PPM1A: variants seen among roughly 807,000 people sequenced by gnomAD.
PPM1A encodes protein phosphatase 1A.
Under a neutral mutation model 35.0 loss-of-function variants are expected in PPM1A, and 7 were observed. The ratio of observed to expected loss-of-function variants is 0.20; its 90% CI spans 0.11 to 0.38. The LOEUF is 0.38. Among genes scored for constraint, PPM1A ranks in the 10% least tolerant of loss-of-function variants. The pLI is 1.00. For synonymous variants in PPM1A, 153 were observed against 167.3 expected, an observed-to-expected ratio of 0.91 and a Z score of 0.66; for missense variants, 239 against 467.8, an observed-to-expected ratio of 0.51 and a Z score of 4.51.
upstream of PPM1A, chr14:60,249,143 G>C: frequency 1.2e-6 from 1 of 827,282 alleles, no homozygotes; most frequent in Non-Finnish European, 1.5e-6. This position sits in a 1 kb window ranked among gnomAD's most constrained non-coding sequence, Gnocchi z 4.5. Context: ...TAGCGGCGGC[G>C]GAGCCAGCGG....
chr14:60,295,219 C>G lies in PPM1A; in HGVS notation c.*2737C>G, dbSNP rs1455070168. On this transcript the variant is annotated 3_prime_UTR_variant, in exon 6 of 6. Coordinates refer to ENST00000395076, the MANE Select transcript of PPM1A (RefSeq NM_021003.5). Reference sequence around the variant, plus strand: ...GAAATAACATTTTGTATAGCAGGCTCTGTTTTACCCTAACATTAAAAAATT... The same window carrying G: ...GAAATAACATTTTGTATAGCAGGCTGTGTTTTACCCTAACATTAAAAAATT... 1 of 151,734 alleles carries G rather than the reference C, an allele frequency of 6.6e-6. No individual in the cohort carries two copies. The highest frequency in any genetic ancestry group is 6.6e-5 in the Admixed American group (1 of 15,192). 9.4% of individuals were successfully genotyped at this position (151,734 alleles called of 1,614,324 possible).
intron 3 of PPM1A, 113 bp downstream of exon 3, chr14:60,285,854 G>A: frequency 6.8e-7 from 1 of 1,465,438 alleles, no homozygotes; most frequent in African/African-American, 1.4e-5. Context: ...CTAGTGTCTA[G>A]TGTATGAAAG....
intron 1 of PPM1A, among the ~76,000 whole-genome samples, chr14:60,252,370 C>A (rs529874276): frequency 1.3e-5 from 2 of 152,316 alleles, no homozygotes; most frequent in African/African-American, 4.8e-5. Flanking sequence ...TGCCTGGGCA[C>A]CTGACTCTGA....
At chr14:60,256,597 C>T (rs906326481) in intron 1 of PPM1A, among the ~76,000 whole-genome samples, 5 of 152,190 alleles carry the variant, frequency 3.3e-5, no homozygotes, top group African/African-American at 9.7e-5. Flanking sequence ...CTAGCCTTGA[C>T]GTTAGCAACT....
chr14:60,288,591 G>GTT (rs529266794), intron 3 of PPM1A: 375 of 792,972 alleles, frequency 4.7e-4, no homozygotes, highest in Middle Eastern at 1.3e-3. Flanking sequence ...ATTTAAGACT[G>GTT]TTTTTTTTTT....
chr14:60,289,885 C>T lies in PPM1A; in HGVS notation c.1032C>T (p.Ser344=). 1.9e-6 allele frequency: 3 copies of T among 1,589,478 alleles called. No homozygotes were observed. Among genetic ancestry groups the T allele is most frequent in the Non-Finnish European group, 2.6e-6 (3 of 1,172,764 alleles). Reference sequence around the variant, plus strand: ...CATTAGCGAGTGAGAACATCCCCAGCCTCCCACCAGGGGGTGAATTGGCAA... The same window carrying T: ...CATTAGCGAGTGAGAACATCCCCAGTCTCCCACCAGGGGGTGAATTGGCAA... The part of the protein sequence containing the change: ...MRTLASENIP[S]LPPGGELASK... Residue 344 remains serine, a synonymous_variant, in exon 4 of 6, where the codon AGC becomes AGT. Transcript: ENST00000395076. This position sits in a 1 kb window ranked among gnomAD's most constrained non-coding sequence, Gnocchi z 4.1.
chr14:60,256,053 T>C (rs886233671), intron 1 of PPM1A, among the ~76,000 whole-genome samples: 4 of 152,244 alleles, frequency 2.6e-5, no homozygotes. Context: ...TCTAATAATA[T>C]GCATACTCTG....
In PPM1A at chr14:60,297,815, G is replaced by A. The variant is rs1186619519; in HGVS notation, c.*5333G>A. ...CGTTTTGAGACTGATGAATCCTAGG[G>A]ACTTATTTACCCAGGAAAATGCGTA... On this transcript the variant is annotated 3_prime_UTR_variant, in exon 6 of 6. Coordinates refer to ENST00000395076, the MANE Select transcript of PPM1A (RefSeq NM_021003.5). 1 of 151,492 alleles carries A rather than the reference G, an allele frequency of 6.6e-6. No individual in the cohort carries two copies. The highest frequency in any genetic ancestry group is 2.4e-5 in the African/African-American group (1 of 41,350). The allele number at this position is 151,492 out of a possible 1,614,324, so 9.4% of individuals were successfully genotyped here.
rs192120472 is a variant in PPM1A at position 60,289,103 on chromosome 14, G to C, written c.953-703G>C. ...AAAATTATTTTAAATGCAGTTGTAT[G>C]GTTTATCAAATGGTTCTCTTTTTAA... On this transcript the variant is annotated intron_variant, in intron 3 of 5. Coordinates refer to ENST00000395076, the MANE Select transcript of PPM1A (RefSeq NM_021003.5). The surrounding 1 kb of genome is among the most constrained non-coding windows in gnomAD (Gnocchi z 4.1). Among the ~76,000 whole-genome samples the C allele has an allele frequency of 6.6e-6, 1 of 151,992 alleles. No individual in the cohort carries two copies. The highest frequency in any genetic ancestry group is 1.9e-4 in the East Asian group (1 of 5,168).
At chr14:60,290,715 A>G (rs539615649) in intron 4 of PPM1A, among the ~76,000 whole-genome samples, 9 of 152,140 alleles carry the variant, frequency 5.9e-5, no homozygotes, top group Middle Eastern at 3.4e-3. Flanking sequence ...AAGTGTGACC[A>G]TGTTCTTTGT....
At chr14:60,254,083 G>A (rs1303120661) in intron 1 of PPM1A, among the ~76,000 whole-genome samples, 1 of 152,134 alleles carries the variant, frequency 6.6e-6, no homozygotes, top group East Asian at 1.9e-4. Context: ...CAAATAAATG[G>A]TAGCTGTTAT....
At chr14:60,271,139 C>A (rs968535546) in intron 1 of PPM1A, among the ~76,000 whole-genome samples, 19 of 152,130 alleles carry the variant, frequency 1.2e-4, no homozygotes, top group African/African-American at 4.3e-4. Context: ...TCATCACTTG[C>A]CTGGTAGCCA....
At chr14:60,253,185 C>G (rs1219380612) in intron 1 of PPM1A, among the ~76,000 whole-genome samples, 1 of 151,868 alleles carries the variant, frequency 6.6e-6, no homozygotes, top group African/African-American at 2.4e-5. Flanking sequence ...ATCCATTGAC[C>G]AAGTGTATGT....
intron 1 of PPM1A, among the ~76,000 whole-genome samples, chr14:60,252,277 T>A (rs1882519183): frequency 1.3e-5 from 2 of 152,248 alleles, no homozygotes; most frequent in African/African-American, 4.8e-5. Flanking sequence ...GGATTAATTT[T>A]TTAAGATGTA....
In PPM1A at chr14:60,294,243, A is replaced by G. The variant is rs1461940231; in HGVS notation, c.*1761A>G. 2 of 151,834 alleles carry G rather than the reference A, an allele frequency of 1.3e-5. No homozygotes were observed. The highest frequency in any genetic ancestry group is 2.9e-5 in the Non-Finnish European group (2 of 67,826). 9.4% of individuals were successfully genotyped at this position (151,834 alleles called of 1,614,324 possible). ...AGTTAAATACCAGCAAAATCTTTTCATTATCCCTCTTATTTTGTGAGGTGA... is the reference window on the plus strand; with the variant it reads ...AGTTAAATACCAGCAAAATCTTTTCGTTATCCCTCTTATTTTGTGAGGTGA... On this transcript the variant is annotated 3_prime_UTR_variant, in exon 6 of 6. Transcript: ENST00000395076.
chr14:60,298,406 G>A lies in PPM1A; in HGVS notation c.*5924G>A, dbSNP rs1486016611. On this transcript the variant is annotated 3_prime_UTR_variant, in exon 6 of 6. Transcript: ENST00000395076. Reference sequence around the variant, plus strand: ...AGGATGTTAAAATAACATCCAAGTCGGACAACCACCACCAATGCACACAGT... The same window carrying A: ...AGGATGTTAAAATAACATCCAAGTCAGACAACCACCACCAATGCACACAGT... 1 of 151,452 alleles carries A rather than the reference G, an allele frequency of 6.6e-6. No homozygotes were observed. Among genetic ancestry groups the A allele is most frequent in the Non-Finnish European group, 1.5e-5 (1 of 67,626 alleles). 9.4% of individuals were successfully genotyped at this position (151,452 alleles called of 1,614,324 possible). A position where few individuals can be genotyped will look rare whatever the true frequency, so the allele number is the denominator to read the frequency against.
intron 1 of PPM1A, among the ~76,000 whole-genome samples, chr14:60,259,880 A>C (rs1014103158): frequency 6.6e-6 from 1 of 152,080 alleles, no homozygotes. Context: ...AAAATTGTGT[A>C]ATACATGCCT....
At chr14:60,263,862 T>C (rs1884065467) in intron 1 of PPM1A, among the ~76,000 whole-genome samples, 1 of 152,176 alleles carries the variant, frequency 6.6e-6, no homozygotes, top group South Asian at 2.1e-4. Context: ...AGTTTGTTTC[T>C]TTCTGTATTT....
At chr14:60,291,566 C>G (rs1887637708) in intron 5 of PPM1A, 112 bp downstream of exon 5, 2 of 736,586 alleles carry the variant, frequency 2.7e-6, no homozygotes, top group Non-Finnish European at 4.2e-6. Flanking sequence ...TACACACACC[C>G]CTGATTGATT....
Sources: allele counts gnomAD v4.1 joint callset (sites outside exome capture counted in the v4.1 genomes callset), GRCh38; gene constraint gnomAD v4.1.1; non-coding constraint Gnocchi (gnomAD v3.1); transcripts MANE v1.5; gene names NCBI Gene and HGNC (gene_info 2026-07-23, HGNC 2026-07-21).